The following ERGIC1 variants were observed in gnomAD, a reference collection of about 807,000 sequenced individuals.
ERGIC1 encodes endoplasmic reticulum-Golgi intermediate compartment protein 1.
In ERGIC1, 19 loss-of-function variants were observed where a neutral mutation model predicts 38.3. That is an observed-to-expected ratio of 0.50 (90% CI 0.35 to 0.73). ERGIC1 has a LOEUF of 0.73. Among genes scored for constraint, ERGIC1 ranks in the 30% least tolerant of loss-of-function variants. ERGIC1 has a pLI of 0.01. For missense variants in ERGIC1, 294 were observed against 389.2 expected, an observed-to-expected ratio of 0.76 and a Z score of 2.06; for synonymous variants, 124 against 157.6, an observed-to-expected ratio of 0.79 and a Z score of 1.60.
rs1162989475 is a variant in ERGIC1, at chr5:172,893,918, T to TATATATATACACAC, written c.83-3084_83-3083insATATATATACACAC. ...ATATATATATATATGTGTGTGTGTG[T>TATATATATACACAC]GTGTGTGTGTGTGTGTGTATATATA... On this transcript the variant is annotated intron_variant, in intron 2 of 9. Transcript: ENST00000393784. Among the ~76,000 whole-genome samples, 117 of 82,888 alleles carry TATATATATACACAC rather than the reference T, an allele frequency of 1.4e-3. 1 individual carries two copies. The highest frequency in any genetic ancestry group is 4.0e-3 in the African/African-American group (87 of 21,666). 54.4% of individuals were successfully genotyped at this position (82,888 alleles called of 152,430 possible). A position where few individuals can be genotyped will look rare whatever the true frequency, so the allele number is the denominator to read the frequency against.
chr5:172,886,908 T>C (rs908785895), intron 1 of ERGIC1, among the ~76,000 whole-genome samples: 6 of 152,014 alleles, frequency 3.9e-5, no homozygotes, highest in African/African-American at 7.3e-5. Context: ...TATGAGTAAA[T>C]ATGGACAGGT....
intron 1 of ERGIC1, among the ~76,000 whole-genome samples, chr5:172,871,083 G>T (rs1238051475): frequency 1.3e-5 from 2 of 152,244 alleles, no homozygotes; most frequent in African/African-American, 4.8e-5. Flanking sequence ...TGTGAATGCA[G>T]TCCACGCATG....
At chr5:172,942,143 G>A (rs1050463288) in intron 9 of ERGIC1, among the ~76,000 whole-genome samples, 7 of 152,150 alleles carry the variant, frequency 4.6e-5, no homozygotes, top group Admixed American at 2.0e-4. Flanking sequence ...GCAGTGAGCC[G>A]AGATCGTGCC....
chr5:172,876,741 T>A (rs999360544), intron 1 of ERGIC1, among the ~76,000 whole-genome samples: 1 of 152,132 alleles, frequency 6.6e-6, no homozygotes, highest in Non-Finnish European at 1.5e-5. Flanking sequence ...TCCTTTCCGC[T>A]CTCCCTGGGC....
At chr5:172,860,610 G>A (rs914399023) in intron 1 of ERGIC1, among the ~76,000 whole-genome samples, 1 of 152,200 alleles carries the variant, frequency 6.6e-6, no homozygotes, top group Admixed American at 6.5e-5. Flanking sequence ...GAAAGAAACA[G>A]ACTTCTCTGA....
chr5:172,874,419 C>T (rs1561712384), intron 1 of ERGIC1, among the ~76,000 whole-genome samples: 1 of 152,150 alleles, frequency 6.6e-6, no homozygotes, highest in Non-Finnish European at 1.5e-5. Flanking sequence ...GATTCTGAGG[C>T]AGTGGTCCTT....
intron 9 of ERGIC1, among the ~76,000 whole-genome samples, chr5:172,949,034 C>T (rs993093632): frequency 6.6e-6 from 1 of 152,184 alleles, no homozygotes; most frequent in Non-Finnish European, 1.5e-5. Context: ...GCCTGGGTGA[C>T]AGAGTGAGAC....
chr5:172,877,410 A>ATGTGTGTGTGTGTGTGTG (rs34909688), intron 1 of ERGIC1, among the ~76,000 whole-genome samples: 14 of 102,346 alleles, frequency 1.4e-4, no homozygotes, highest in African/African-American at 5.0e-4. Flanking sequence ...TATTATATAT[A>ATGTGTGTGTGTGTGTGTG]TGTGTGTGTG....
In ERGIC1 at chr5:172,932,461, G is replaced by A. The variant is rs760894132; in HGVS notation, c.567G>A (p.Leu189=). The change falls in exon 8 of 10, where the codon CTG becomes CTA. Residue 189 remains leucine, a synonymous_variant. Coordinates refer to ENST00000393784, the MANE Select transcript of ERGIC1 (RefSeq NM_001031711.3). ...SNPLASHDYI[L]KIVPTVYEDK... is the part of the protein sequence containing the mutation. Reference sequence around the variant, plus strand: ...CCCTGGCCTCCCACGACTACATCCTGAAGATTGTGCCCACGGTTTATGAGG... The same window carrying A: ...CCCTGGCCTCCCACGACTACATCCTAAAGATTGTGCCCACGGTTTATGAGG... The A allele has an allele frequency of 1.4e-4, 225 of 1,614,074 alleles. 1 individual carries two copies. Among genetic ancestry groups the A allele is most frequent in the Non-Finnish European group, 1.9e-4 (223 of 1,180,048 alleles).
intron 1 of ERGIC1, among the ~76,000 whole-genome samples, chr5:172,884,303 G>A (rs1251563763): frequency 6.9e-6 from 1 of 144,756 alleles, no homozygotes; most frequent in Non-Finnish European, 1.5e-5. Flanking sequence ...GCCCAGGCTG[G>A]AGTGCAAGGC....
chr5:172,893,562 A>G (rs1356298783), intron 2 of ERGIC1, among the ~76,000 whole-genome samples: 2 of 152,066 alleles, frequency 1.3e-5, no homozygotes, highest in Admixed American at 6.6e-5. Flanking sequence ...CTGGTCAGAA[A>G]GTTGCAAGCT....
chr5:172,863,193 C>T (rs962506545), intron 1 of ERGIC1, among the ~76,000 whole-genome samples: 9 of 152,166 alleles, frequency 5.9e-5, no homozygotes, highest in Non-Finnish European at 1.2e-4. Flanking sequence ...TCAAGTGATC[C>T]GCCCACCTCG....
intron 1 of ERGIC1, among the ~76,000 whole-genome samples, chr5:172,850,948 C>G (rs973031987): frequency 4.6e-5 from 7 of 152,006 alleles, no homozygotes; most frequent in African/African-American, 1.7e-4. Context: ...ACTTGTAATC[C>G]CAGCACTTTG....
At chr5:172,860,104 C>T (rs1297851359) in intron 1 of ERGIC1, among the ~76,000 whole-genome samples, 2 of 151,972 alleles carry the variant, frequency 1.3e-5, no homozygotes, top group African/African-American at 2.4e-5. Context: ...ATTCTTTCAC[C>T]GAACAGCATT....
At chr5:172,895,702 G>A (rs370383998) in intron 2 of ERGIC1, among the ~76,000 whole-genome samples, 2 of 152,024 alleles carry the variant, frequency 1.3e-5, no homozygotes, top group Non-Finnish European at 2.9e-5. Flanking sequence ...CCATCAAAAG[G>A]GACATGTGAG....
At chr5:172,851,208 A>T (rs895079769) in intron 1 of ERGIC1, among the ~76,000 whole-genome samples, 1 of 148,588 alleles carries the variant, frequency 6.7e-6, no homozygotes, top group Admixed American at 6.7e-5. Context: ...CTCAAAAAAA[A>T]AAAAAAAAAA....
chr5:172,859,262 C>G (rs567150195), intron 1 of ERGIC1, among the ~76,000 whole-genome samples: 1 of 152,120 alleles, frequency 6.6e-6, no homozygotes, highest in Non-Finnish European at 1.5e-5. Context: ...CAGGCCCCGG[C>G]CTGGCCAGCT....
intron 3 of ERGIC1, among the ~76,000 whole-genome samples, chr5:172,906,363 G>A (rs183258077): frequency 1.6e-4 from 24 of 152,242 alleles, no homozygotes; most frequent in Non-Finnish European, 2.9e-4. Flanking sequence ...CACCCTCTCC[G>A]AGCCTGTTCC....
intron 1 of ERGIC1, among the ~76,000 whole-genome samples, chr5:172,851,364 C>G (rs759363435): frequency 1.6e-4 from 25 of 152,028 alleles, no homozygotes; most frequent in Non-Finnish European, 3.4e-4. Context: ...CAAAAATTAG[C>G]CGGGCATGGT....
Sources: gnomAD v4.1 joint callset for allele counts (sites outside exome capture counted in the v4.1 genomes callset) on GRCh38, gnomAD v4.1.1 for gene constraint, MANE v1.5 for transcripts, NCBI Gene and HGNC (gene_info 2026-07-23, HGNC 2026-07-21) for gene names.